Variants in STARD3 observed in about 807,000 individuals in gnomAD.
The protein encoded by STARD3 is stAR-related lipid transfer protein 3.
Under a neutral mutation model 62.0 loss-of-function variants are expected in STARD3, and 39 were observed. The observed-to-expected ratio is 0.63, with a 90% CI of 0.49 to 0.82. STARD3 has a LOEUF of 0.82. Among genes scored for constraint, STARD3 ranks in the 40% least tolerant of loss-of-function variants. The pLI, the probability that STARD3 is intolerant of heterozygous loss-of-function variation, is 0.00. For missense variants in STARD3, 543 were observed against 584.5 expected (o/e 0.93, Z 0.73); for synonymous variants, 229 against 242.4 (o/e 0.94, Z 0.51).
chr17:39,660,267 C>T lies in STARD3; in HGVS notation c.852C>T (p.Ile284=), dbSNP rs761848052. 5.0e-5 allele frequency: 80 copies of T among 1,613,934 alleles called. No individual in the cohort carries two copies. Among genetic ancestry groups the T allele is most frequent in the Non-Finnish European group, 5.9e-5 (70 of 1,180,044 alleles). The change falls in exon 10 of 15, where the codon ATC becomes ATT. Residue 284 remains isoleucine (I), a synonymous_variant. Coordinates refer to ENST00000336308, the MANE Select transcript of STARD3 (RefSeq NM_006804.4). This position sits in a 1 kb window ranked among gnomAD's most constrained non-coding sequence, Gnocchi z 4.8. ...IEVPFHGKTF[I]LKTFLPCPAE... ...TTCCCTTTCACGGCAAGACGTTTAT[C>T]CTGAAGGTGAGTGAGGGGAGCGGGT... is the stretch of plus-strand genomic sequence containing the variant.
intron 2 of STARD3, among the ~76,000 whole-genome samples, chr17:39,654,321 GAGTCTAGA>G (rs2057106722): frequency 6.6e-6 from 1 of 152,198 alleles, no homozygotes; most frequent in Non-Finnish European, 1.5e-5. Flanking sequence ...AGGATTGCTT[GAGTCTAGA>G]AGTCTGAGGC....
rs200406681 is a variant in STARD3, at chr17:39,650,868, C to A, written c.-51-2613C>A. ...GGAAAGTTACTTTGTGAAACAGATACAAAAGATGAGGAGAGATGGAGAGAG... is the reference window on the plus strand; with the variant it reads ...GGAAAGTTACTTTGTGAAACAGATAAAAAAGATGAGGAGAGATGGAGAGAG... On this transcript the variant is annotated intron_variant, in intron 1 of 14. Transcript: ENST00000336308. 2.5e-4 allele frequency among the ~76,000 whole-genome samples: 38 copies of A among 152,232 alleles called. 1 individual carries two copies. The East Asian group carries it at 6.7e-3, about 27-fold the overall frequency.
intron 14 of STARD3, 185 bp from the exon 15 acceptor site, chr17:39,662,619 G>A: frequency 1.5e-6 from 1 of 648,986 alleles, no homozygotes; most frequent in South Asian, 1.9e-5. Flanking sequence ...TGTTTGTGTT[G>A]CTGGTGCCAA....
intron 1 of STARD3, among the ~76,000 whole-genome samples, chr17:39,648,252 A>G (rs1340907802): frequency 6.6e-6 from 1 of 152,142 alleles, no homozygotes. Flanking sequence ...GCGCCACTGC[A>G]CTCCAGCCTG....
At chr17:39,657,113 C>T in intron 3 of STARD3, 28 bp downstream of exon 3, 1 of 1,609,506 alleles carries the variant, frequency 6.2e-7, no homozygotes, top group Non-Finnish European at 8.5e-7. Context: ...ATCCTGGGGA[C>T]CCCGGAGGCA....
intron 1 of STARD3, among the ~76,000 whole-genome samples, chr17:39,650,818 AAAAC>A (rs1444859527): frequency 2.6e-5 from 4 of 152,194 alleles, no homozygotes; most frequent in Non-Finnish European, 4.4e-5. Context: ...TGCCTCTAAA[AAAAC>A]AAACAAAACC....
In STARD3 at chr17:39,660,051, T is replaced by G; in HGVS notation, c.796-160T>G. 1 of 672,784 alleles carries G rather than the reference T, an allele frequency of 1.5e-6. No individual in the cohort carries two copies. The highest frequency in any genetic ancestry group is 1.8e-5 in the South Asian group (1 of 55,784). The allele number at this position is 672,784 out of a possible 1,614,324, so 41.7% of individuals were successfully genotyped here. A position where few individuals can be genotyped will look rare whatever the true frequency, so the allele number is the denominator to read the frequency against. ...TCTCCTGCCAGTGCCATAGGTTTGT[T>G]AGAGCTACTGTTTTGTAACAGCTGC... is the stretch of plus-strand genomic sequence containing the variant. On this transcript the variant is annotated intron_variant, in intron 9 of 14. Coordinates refer to ENST00000336308, the MANE Select transcript of STARD3 (RefSeq NM_006804.4). The surrounding 1 kb of genome is among the most constrained non-coding windows in gnomAD (Gnocchi z 4.8).
Position 39,653,733 on chromosome 17 carries a change from T to C in STARD3, c.202T>C (p.Trp68Arg). Residue 68 changes from tryptophan (W) to arginine (R), a missense_variant, in exon 2 of 15, where the codon TGG becomes CGG. Transcript: ENST00000336308. Reference protein sequence around the residue: ...TFDLLFISLLWIIELNTNTGI... With the variant: ...TFDLLFISLLRIIELNTNTGI... The stretch of plus-strand genomic sequence containing the variant: ...CGACCTGCTCTTCATCTCCCTGCTC[T>C]GGATCATCGAACTGAATGTGAGTGG... The C allele has an allele frequency of 6.2e-7, 1 of 1,614,146 alleles. No individual in the cohort carries two copies. Among genetic ancestry groups the C allele is most frequent in the Non-Finnish European group, 8.5e-7 (1 of 1,180,024 alleles).
In STARD3 at chr17:39,662,749, G is replaced by A. The variant is rs1597802670; in HGVS notation, c.1234-55G>A. Reference sequence around the variant, plus strand: ...CCCCCTGCTGGTGCCAGCTGCAAGGGGAGACCCTGCTGAGGGCAGGCCATC... The same window carrying A: ...CCCCCTGCTGGTGCCAGCTGCAAGGAGAGACCCTGCTGAGGGCAGGCCATC... On this transcript the variant is annotated intron_variant, in intron 14 of 14. Coordinates refer to ENST00000336308, the MANE Select transcript of STARD3 (RefSeq NM_006804.4). 1.2e-5 allele frequency: 18 copies of A among 1,512,980 alleles called. No homozygotes were observed. The East Asian group carries it at 3.3e-4, about 28-fold the overall frequency. 93.7% of individuals were successfully genotyped at this position (1,512,980 alleles called of 1,614,324 possible). A position where few individuals can be genotyped will look rare whatever the true frequency, so the allele number is the denominator to read the frequency against.
Position 39,661,074 on chromosome 17 carries a change from C to T in STARD3, c.1128C>T (p.His376=), listed in dbSNP as rs1470691035. 2 of 1,613,584 alleles carry T rather than the reference C, an allele frequency of 1.2e-6. No individual in the cohort carries two copies. Among genetic ancestry groups the T allele is most frequent in the Non-Finnish European group, 1.7e-6 (2 of 1,180,022 alleles). Residue 376 remains histidine (H), a synonymous_variant, in exon 13 of 15, where the codon CAC becomes CAT. Coordinates refer to ENST00000336308, the MANE Select transcript of STARD3 (RefSeq NM_006804.4). ...CACACAGTGCCAAGCCCCCGACGCACAAATATGTCCGGTGAGCCTCACTTT... is the reference window on the plus strand; with the variant it reads ...CACACAGTGCCAAGCCCCCGACGCATAAATATGTCCGGTGAGCCTCACTTT... ...ATSHSAKPPT[H]KYVRGENGPG... is the part of the protein sequence containing the mutation.
At chr17:39,642,562 A>G (rs1012811951) in intron 1 of STARD3, among the ~76,000 whole-genome samples, 1 of 152,194 alleles carries the variant, frequency 6.6e-6, no homozygotes, top group Non-Finnish European at 1.5e-5. Context: ...AGCCTGGTAC[A>G]GTTCTGGCAC....
At chr17:39,653,787 C>T (rs1351870076) in intron 2 of STARD3, 37 bp downstream of exon 2, 1 of 1,610,610 alleles carries the variant, frequency 6.2e-7, no homozygotes. Flanking sequence ...GGCCATGTTG[C>T]AGGCCACCCG....
At chr17:39,648,500 C>A (rs2057047517) in intron 1 of STARD3, among the ~76,000 whole-genome samples, 2 of 152,164 alleles carry the variant, frequency 1.3e-5, no homozygotes, top group South Asian at 2.1e-4. Context: ...TTGAAAAAAA[C>A]CACTGACTTT....
chr17:39,660,484 C>G lies in STARD3; in HGVS notation c.912C>G (p.Pro304=), dbSNP rs1328442479. 2 of 1,613,796 alleles carry G rather than the reference C, an allele frequency of 1.2e-6. No individual in the cohort carries two copies. The highest frequency in any genetic ancestry group is 1.7e-5 in the Admixed American group (1 of 60,000). The change falls in exon 11 of 15, where the codon CCC becomes CCG. Residue 304 remains proline (P), a synonymous_variant. Coordinates refer to ENST00000336308, the MANE Select transcript of STARD3 (RefSeq NM_006804.4). This position sits in a 1 kb window ranked among gnomAD's most constrained non-coding sequence, Gnocchi z 4.8. ...TGTACCAGGAGGTGATCCTGCAGCC[C>G]GAGAGGATGGTGCTGTGGAACAAGA... The part of the protein sequence containing the change: ...ELVYQEVILQ[P]ERMVLWNKTV...
At chr17:39,639,793 T>C (rs549202815) in intron 1 of STARD3, among the ~76,000 whole-genome samples, 1 of 152,304 alleles carries the variant, frequency 6.6e-6, no homozygotes, top group South Asian at 2.1e-4. Flanking sequence ...GGGCTGGGCC[T>C]TCTTTGGAGC....
At chr17:39,644,672 CAAAAA>C (rs3029516) in intron 1 of STARD3, among the ~76,000 whole-genome samples, 1 of 112,506 alleles carries the variant, frequency 8.9e-6, no homozygotes, top group Non-Finnish European at 1.7e-5. Flanking sequence ...CCTGTCTCTA[CAAAAA>C]AAAAAAAAAA....
intron 1 of STARD3, chr17:39,652,742 T>C (rs1284546717): frequency 6.6e-6 from 1 of 152,320 alleles, no homozygotes; most frequent in African/African-American, 2.4e-5. Flanking sequence ...GTGAGGAGAC[T>C]GTTAGCCTGA....
intron 1 of STARD3, among the ~76,000 whole-genome samples, chr17:39,644,809 C>A (rs572043183): frequency 1.5e-4 from 23 of 151,052 alleles, no homozygotes; most frequent in Middle Eastern, 6.8e-3. Flanking sequence ...CTGCAATGAG[C>A]TGTAATCACA....
intron 1 of STARD3, among the ~76,000 whole-genome samples, chr17:39,641,261 G>A (rs1597786660): frequency 6.6e-6 from 1 of 152,180 alleles, no homozygotes; most frequent in East Asian, 1.9e-4. Context: ...CTGTGGCTGT[G>A]ACTTGGACCT....
Sources: allele counts gnomAD v4.1 joint callset (sites outside exome capture counted in the v4.1 genomes callset), GRCh38; gene constraint gnomAD v4.1.1; non-coding constraint Gnocchi (gnomAD v3.1); transcripts MANE v1.5; gene names NCBI Gene and HGNC (gene_info 2026-07-23, HGNC 2026-07-21).